Variants in PANX2 observed in about 807,000 individuals in gnomAD.
PANX2 encodes the protein pannexin-2.
A neutral mutation model predicts 38.7 loss-of-function variants in PANX2; 30 were observed. The observed-to-expected ratio is 0.78, with a 90% CI of 0.58 to 1.05. The LOEUF (loss-of-function observed/expected upper bound fraction) is 1.05. Ranked by LOEUF, PANX2 falls within the 50% of genes least tolerant of loss-of-function variation. PANX2 has a pLI of 0.00. For missense variants in PANX2, 880 were observed against 979.3 expected, an observed-to-expected ratio of 0.90 and a Z score of 1.35; for synonymous variants, 539 against 472.1, an observed-to-expected ratio of 1.14 and a Z score of -1.84.
intron 1 of PANX2, 29 bp downstream of exon 1, chr22:50,170,985 C>G (rs781344999): frequency 7.6e-7 from 1 of 1,320,586 alleles, no homozygotes; most frequent in South Asian, 1.4e-5. Context: ...GCGCGGGGCG[C>G]GGGCAGAGGG....
At chr22:50,172,339 G>A (rs2063636798) in intron 1 of PANX2, among the ~76,000 whole-genome samples, 1 of 152,266 alleles carries the variant, frequency 6.6e-6, no homozygotes, top group Non-Finnish European at 1.5e-5. Context: ...AGCCTCTGGT[G>A]CTGCCGGCAA....
chr22:50,179,281 A>T lies in PANX2; in HGVS notation c.*4A>T. 4.3e-6 allele frequency: 7 copies of T among 1,610,372 alleles called. No homozygotes were observed. The highest frequency in any genetic ancestry group is 5.9e-6 in the Non-Finnish European group (7 of 1,178,502). On this transcript the variant is annotated 3_prime_UTR_variant, in exon 3 of 3. Transcript: ENST00000395842. ...CGTGAGTACTGTGGAGTTTTGAGGGATGGCACCGTCCAGGCCGCCGAGAGC... is the reference window on the plus strand; with the variant it reads ...CGTGAGTACTGTGGAGTTTTGAGGGTTGGCACCGTCCAGGCCGCCGAGAGC...
chr22:50,170,983 C>T, intron 1 of PANX2, 27 bp downstream of exon 1: 5 of 1,360,428 alleles, frequency 3.7e-6, no homozygotes, highest in Middle Eastern at 2.4e-4. Flanking sequence ...GGGCGCGGGG[C>T]GCGGGCAGAG....
At position 50,176,956 on chromosome 22, in the gene PANX2, T is replaced by A. The variant is rs1339326344; in HGVS notation, c.244T>A (p.Tyr82Asn). 2 of 1,547,446 alleles carry A rather than the reference T, an allele frequency of 1.3e-6. No individual in the cohort carries two copies. Among genetic ancestry groups the A allele is most frequent in the African/African-American group, 2.7e-5 (2 of 73,228 alleles). Residue 82 changes from tyrosine to asparagine, a missense_variant, in exon 2 of 3, where the codon TAC becomes AAC. By Grantham distance (143) the Tyr-to-Asn change is moderately radical. This residue lies in a region of PANX2 where 243 missense variants were observed against 333.1 expected (regional missense o/e 0.73). Coordinates refer to ENST00000395842, the MANE Select transcript of PANX2 (RefSeq NM_052839.4). ...KNFAEEPIYCYTPHNFTRDQA... is the reference protein window; with the variant it reads ...KNFAEEPIYCNTPHNFTRDQA... Reference sequence around the variant, plus strand: ...GCCCCCAGAGGAACCCATTTACTGTTACACCCCGCACAACTTCACGCGCGA... The same window carrying A: ...GCCCCCAGAGGAACCCATTTACTGTAACACCCCGCACAACTTCACGCGCGA...
chr22:50,175,625 T>A (rs61362111), intron 1 of PANX2: 4,431 of 352,024 alleles, frequency 0.013, 193 homozygotes, highest in African/African-American at 0.091. Flanking sequence ...TCCTGCCTCT[T>A]CCCAGGCTCC....
At chr22:50,171,249 G>T (rs1267867742) in intron 1 of PANX2, among the ~76,000 whole-genome samples, 1 of 152,218 alleles carries the variant, frequency 6.6e-6, no homozygotes, top group Non-Finnish European at 1.5e-5. Flanking sequence ...CATGAGACAC[G>T]GGGTCTGGTT....
chr22:50,178,439 G>A (rs1231791573), intron 2 of PANX2, 37 bp downstream of exon 2: 9 of 1,328,810 alleles, frequency 6.8e-6, no homozygotes, highest in Non-Finnish European at 8.8e-6. Context: ...CGGGGGACTG[G>A]GGGTGGGAGA....
rs1420715476 is a variant in PANX2 at position 50,177,260 on chromosome 22, A to G, written c.548A>G (p.Lys183Arg). 6.2e-7 allele frequency: 1 copy of G among 1,612,346 alleles called. No homozygotes were observed. The highest frequency in any genetic ancestry group is 2.2e-5 in the East Asian group (1 of 44,866). The change falls in exon 2 of 3, where the codon AAG (lysine) becomes AGG (arginine). Residue 183 changes from lysine (K) to arginine (R), a missense_variant. By Grantham distance (26) the Lys-to-Arg change is conservative (BLOSUM62 2). This residue lies in a region of PANX2 where 243 missense variants were observed against 333.1 expected (regional missense o/e 0.73). Transcript: ENST00000395842. Reference sequence around the variant, plus strand: ...AAGATCGAGAAGCAGATCCAGTCCAAGGGCCCGGGCATCACGGAGCGCGAG... The same window carrying G: ...AAGATCGAGAAGCAGATCCAGTCCAGGGGCCCGGGCATCACGGAGCGCGAG... ...APKIEKQIQS[K>R]GPGITEREKR...
intron 1 of PANX2, among the ~76,000 whole-genome samples, chr22:50,174,060 G>A (rs1362797239): frequency 2.0e-5 from 3 of 152,194 alleles, no homozygotes; most frequent in South Asian, 2.1e-4. Flanking sequence ...CAGGGGAGTC[G>A]GGGAAGGGCC....
At chr22:50,173,440 C>T (rs148883037) in intron 1 of PANX2, among the ~76,000 whole-genome samples, 1,986 of 152,368 alleles carry the variant, frequency 0.013, 34 homozygotes, top group African/African-American at 0.045. Context: ...CTTGGAGGGC[C>T]GAGCGCAGCC....
rs936884559 is a variant in PANX2, at chr22:50,179,392, G to C, written c.*115G>C. On this transcript the variant is annotated 3_prime_UTR_variant, in exon 3 of 3. Coordinates refer to ENST00000395842, the MANE Select transcript of PANX2 (RefSeq NM_052839.4). ...GTGGCCTGTGCTTCGCCCGCACTGC[G>C]CGCATCCCCAACCTCTGTCCGCATG... The C allele has an allele frequency of 1.1e-6, 1 of 936,394 alleles. No individual in the cohort carries two copies. 58.0% of individuals were successfully genotyped at this position (936,394 alleles called of 1,614,324 possible). A position where few individuals can be genotyped will look rare whatever the true frequency, so the allele number is the denominator to read the frequency against.
intron 2 of PANX2, among the ~76,000 whole-genome samples, 188 bp downstream of exon 2, chr22:50,178,590 G>A (rs983146786): frequency 6.6e-6 from 1 of 152,214 alleles, no homozygotes; most frequent in African/African-American, 2.4e-5. Context: ...TACTGTCAAG[G>A]TGAGCCTCAG....
At chr22:50,175,918 C>T (rs145719631) in intron 1 of PANX2, among the ~76,000 whole-genome samples, 1 of 152,360 alleles carries the variant, frequency 6.6e-6, no homozygotes, top group Non-Finnish European at 1.5e-5. Flanking sequence ...GGCCTCGGCA[C>T]AGACGGACAG....
chr22:50,178,965 C>T lies in PANX2; in HGVS notation c.1722C>T (p.Tyr574=), dbSNP rs769355144. 12 of 1,594,128 alleles carry T rather than the reference C, an allele frequency of 7.5e-6. No individual in the cohort carries two copies. In the Admixed American group the frequency reaches 1.2e-4, roughly 16 times the overall value. The change falls in exon 3 of 3, where the codon TAC becomes TAT. Residue 574 remains tyrosine, a synonymous_variant. Coordinates refer to ENST00000395842, the MANE Select transcript of PANX2 (RefSeq NM_052839.4). ...DAPLPEKEIP[Y]PTEPARAGLP... is the part of the protein sequence containing the mutation. ...CGCTCCCCGAGAAGGAAATCCCGTA[C>T]CCCACAGAGCCAGCCCGGGCAGGGC... is the stretch of plus-strand genomic sequence containing the variant.
In PANX2 at chr22:50,178,166, A is replaced by G. The variant is rs1228483729; in HGVS notation, c.1454A>G (p.Lys485Arg). The stretch of plus-strand genomic sequence containing the variant: ...CTGGACCGCTCCGCCCACCACTACA[A>G]GGGCGGAGGGGGCGACCCGGGCCCC... ...PLLDRSAHHY[K>R]GGGGDPGPGP... The change falls in exon 2 of 3, where the codon AAG becomes AGG. Residue 485 changes from lysine (K) to arginine (R), a missense_variant. By Grantham distance (26) the Lys-to-Arg change is conservative (BLOSUM62 2). Around this residue, in one of 4 missense-constraint regions of PANX2, gnomAD observed 445 missense variants for 404.3 expected, o/e 1.10. Coordinates refer to ENST00000395842, the MANE Select transcript of PANX2 (RefSeq NM_052839.4). 3 of 1,500,006 alleles carry G rather than the reference A, an allele frequency of 2.0e-6. No individual in the cohort carries two copies. The highest frequency in any genetic ancestry group is 2.6e-6 in the Non-Finnish European group (3 of 1,134,776). The allele number at this position is 1,500,006 out of a possible 1,614,324, so 92.9% of individuals were successfully genotyped here.
In PANX2 at chr22:50,178,405, A is replaced by C; in HGVS notation, c.1690+3A>C. ...CCTGGCCCCGGCGCCCATCAAAGGT[A>C]GGGGCAGGGCCGGAGAGAGGGGACG... On this transcript the variant is annotated splice_donor_region_variant and intron_variant, in intron 2 of 2. Transcript: ENST00000395842. The C allele has an allele frequency of 7.2e-7, 1 of 1,391,162 alleles. No homozygotes were observed. The highest frequency in any genetic ancestry group is 9.3e-7 in the Non-Finnish European group (1 of 1,072,502). 86.2% of individuals were successfully genotyped at this position (1,391,162 alleles called of 1,614,324 possible).
intron 2 of PANX2, 42 bp downstream of exon 2, chr22:50,178,444 G>A: frequency 7.7e-7 from 1 of 1,294,586 alleles, no homozygotes; most frequent in Non-Finnish European, 1.0e-6. Context: ...GACTGGGGGT[G>A]GGAGAGGCGC....
chr22:50,178,375 C>T lies in PANX2; in HGVS notation c.1663C>T (p.Leu555=). 1.4e-6 allele frequency: 2 copies of T among 1,459,872 alleles called. No homozygotes were observed. Among genetic ancestry groups the T allele is most frequent in the Non-Finnish European group, 9.0e-7 (1 of 1,113,010 alleles). The allele number at this position is 1,459,872 out of a possible 1,614,324, so 90.4% of individuals were successfully genotyped here. A position where few individuals can be genotyped will look rare whatever the true frequency, so the allele number is the denominator to read the frequency against. Residue 555 remains leucine, a synonymous_variant, in exon 2 of 3, where the codon CTA becomes TTA. Transcript: ENST00000395842. ...CCTGTCCCAGGCGGAGGACTGTGGG[C>T]TAGGCCTGGCCCCGGCGCCCATCAA... ...GFLSQAEDCG[L]GLAPAPIKDA...
At chr22:50,171,641 G>A (rs2063632653) in intron 1 of PANX2, among the ~76,000 whole-genome samples, 1 of 152,158 alleles carries the variant, frequency 6.6e-6, no homozygotes, top group Admixed American at 6.5e-5. Flanking sequence ...CCACCCAGGC[G>A]AGGCAGGAAG....
Sources: allele counts gnomAD v4.1 joint callset (sites outside exome capture counted in the v4.1 genomes callset), GRCh38; gene constraint gnomAD v4.1.1; regional missense constraint gnomAD v4.1.1; transcripts MANE v1.5; gene names NCBI Gene and HGNC (gene_info 2026-07-23, HGNC 2026-07-21).